TNR: variants seen among roughly 807,000 people sequenced by gnomAD.
TNR encodes the protein tenascin R.
Under a neutral mutation model 150.4 loss-of-function variants are expected in TNR, and 45 were observed. The ratio of observed to expected loss-of-function variants is 0.30; its 90% confidence interval spans 0.24 to 0.38. The LOEUF (loss-of-function observed/expected upper bound fraction) is 0.38, where lower values mean the gene tolerates loss of function less well. TNR is among the 10% of genes least tolerant of loss of function. TNR has a pLI of 1.00. For missense variants in TNR, 1,544 were observed against 1,759.1 expected (o/e 0.88, Z 2.19); for synonymous variants, 687 against 678.4 (o/e 1.01, Z -0.20).
chr1:175,630,312 A>G (rs1278753260), intron 1 of TNR, among the ~76,000 whole-genome samples: 1 of 152,244 alleles, frequency 6.6e-6, no homozygotes, highest in East Asian at 1.9e-4. Flanking sequence ...GAAGCTACAG[A>G]TAAGTAAAGT....
chr1:175,712,204 C>T (rs1398997897), intron 1 of TNR, among the ~76,000 whole-genome samples: 1 of 152,176 alleles, frequency 6.6e-6, no homozygotes. Context: ...CTCATTTTCA[C>T]AGATGAGGCA....
At chr1:175,380,405 G>A (rs572742525) in intron 8 of TNR, among the ~76,000 whole-genome samples, 1 of 152,172 alleles carries the variant, frequency 6.6e-6, no homozygotes, top group Non-Finnish European at 1.5e-5. Flanking sequence ...GCATGGATTA[G>A]GCAATCCATG....
At chr1:175,337,787 G>T in intron 18 of TNR, 108 bp from the exon 19 acceptor site, 1 of 1,304,542 alleles carries the variant, frequency 7.7e-7, no homozygotes, top group Non-Finnish European at 1.1e-6. Context: ...ATCATCAACA[G>T]CTGTAAGAAA....
chr1:175,458,144 T>C (rs1437218504), intron 2 of TNR, among the ~76,000 whole-genome samples: 1 of 152,244 alleles, frequency 6.6e-6, no homozygotes, highest in Non-Finnish European at 1.5e-5. Context: ...CTAGGTATTG[T>C]AGCAGTAGTA....
chr1:175,503,556 T>A (rs1658826163), intron 2 of TNR, among the ~76,000 whole-genome samples: 1 of 152,106 alleles, frequency 6.6e-6, no homozygotes, highest in Non-Finnish European at 1.5e-5. Flanking sequence ...CCTGTACAAA[T>A]GAGAAGCTGC....
chr1:175,335,335 C>T (rs1401498995), intron 20 of TNR: 1 of 191,512 alleles, frequency 5.2e-6, no homozygotes, highest in Non-Finnish European at 1.1e-5. Flanking sequence ...TGGCTGTCCT[C>T]ATTTCTCCCC....
intron 3 of TNR, among the ~76,000 whole-genome samples, chr1:175,406,005 C>CG (rs1163936968): frequency 6.6e-6 from 1 of 152,160 alleles, no homozygotes; most frequent in African/African-American, 2.4e-5. Flanking sequence ...CTGAATCCCT[C>CG]GGGGAAGAAC....
intron 2 of TNR, among the ~76,000 whole-genome samples, chr1:175,451,656 G>A (rs952691805): frequency 1.3e-5 from 2 of 152,298 alleles, no homozygotes; most frequent in Admixed American, 6.5e-5. Flanking sequence ...AAAGTAGTGC[G>A]GCGGCTGGCA....
chr1:175,406,749 T>G lies in TNR; in HGVS notation c.-35A>C. 6.2e-7 allele frequency: 1 copy of G among 1,603,248 alleles called. No individual in the cohort carries two copies. The highest frequency in any genetic ancestry group is 1.7e-4 in the Middle Eastern group (1 of 5,998). On this transcript the variant is annotated 5_prime_UTR_variant, in exon 3 of 23. Coordinates refer to ENST00000367674, the MANE Select transcript of TNR (RefSeq NM_003285.3). ...CAGAGATCTGGGTTCAGGACCAGCC[T>G]GCAGCACACAGCATGGAGTTGTGGG...
At chr1:175,730,339 A>G (rs925728256) in intron 1 of TNR, among the ~76,000 whole-genome samples, 3 of 151,940 alleles carry the variant, frequency 2.0e-5, no homozygotes, top group African/African-American at 7.3e-5. Context: ...AGAATGAGTC[A>G]CCCTTCCCTT....
intron 1 of TNR, among the ~76,000 whole-genome samples, chr1:175,624,722 ACTTCATTACTGTAGCC>A (rs1664090175): frequency 6.6e-6 from 1 of 152,192 alleles, no homozygotes; most frequent in Admixed American, 6.5e-5. Flanking sequence ...AGTTTATGGC[ACTTCATTACTGTAGCC>A]CTGGGAAACT....
intron 1 of TNR, among the ~76,000 whole-genome samples, chr1:175,730,513 G>A (rs1667609997): frequency 6.6e-6 from 1 of 152,230 alleles, no homozygotes; most frequent in Non-Finnish European, 1.5e-5. Flanking sequence ...ATGACTGGCA[G>A]AGAGTAGATC....
intron 1 of TNR, among the ~76,000 whole-genome samples, chr1:175,609,324 G>A (rs1000690064): frequency 1.3e-5 from 2 of 152,178 alleles, no homozygotes; most frequent in African/African-American, 4.8e-5. Flanking sequence ...ACATTAGAAT[G>A]CTTGCCTATT....
At position 175,331,562 on chromosome 1, in the gene TNR, C is replaced by T. The variant is rs551006080; in HGVS notation, c.3632-1327G>A. Reference sequence around the variant, plus strand: ...ACAGGCGTGAGCCACTGTGCCTGGCCGATATTTTCTTATATACATTTTCTT... The same window carrying T: ...ACAGGCGTGAGCCACTGTGCCTGGCTGATATTTTCTTATATACATTTTCTT... On this transcript the variant is annotated intron_variant, in intron 20 of 22. Transcript: ENST00000367674. Among the ~76,000 whole-genome samples, 33 of 152,212 alleles carry T rather than the reference C, an allele frequency of 2.2e-4. 1 individual carries two copies. The highest frequency in any genetic ancestry group is 3.8e-4 in the Non-Finnish European group (26 of 68,024).
chr1:175,359,094 T>G (rs1651462729), intron 15 of TNR, among the ~76,000 whole-genome samples: 1 of 148,386 alleles, frequency 6.7e-6, no homozygotes, highest in Non-Finnish European at 1.5e-5. Flanking sequence ...TTCAGCTTTC[T>G]CAGCTCCTAG....
At chr1:175,635,970 G>T (rs940693652) in intron 1 of TNR, among the ~76,000 whole-genome samples, 5 of 152,126 alleles carry the variant, frequency 3.3e-5, no homozygotes, top group African/African-American at 4.8e-5. Context: ...ACATGTAACT[G>T]CTCCAGAGTC....
chr1:175,425,470 G>C (rs965523923), intron 2 of TNR, among the ~76,000 whole-genome samples: 1 of 152,140 alleles, frequency 6.6e-6, no homozygotes, highest in Admixed American at 6.5e-5. Context: ...GTTTTCTGAG[G>C]TGCCATGTGG....
intron 1 of TNR, among the ~76,000 whole-genome samples, chr1:175,730,153 C>T (rs1667598451): frequency 6.6e-6 from 1 of 152,142 alleles, no homozygotes; most frequent in Non-Finnish European, 1.5e-5. Context: ...TTCTCTGTTC[C>T]AGCCACATCA....
At chr1:175,512,382 A>G (rs1659223620) in intron 2 of TNR, among the ~76,000 whole-genome samples, 2 of 152,194 alleles carry the variant, frequency 1.3e-5, no homozygotes, top group African/African-American at 2.4e-5. Flanking sequence ...TTCTTTTTTT[A>G]TTCTCTGGCT....
Sources: gnomAD v4.1 joint callset for allele counts (sites outside exome capture counted in the v4.1 genomes callset) on GRCh38, gnomAD v4.1.1 for gene constraint, MANE v1.5 for transcripts, NCBI Gene and HGNC (gene_info 2026-07-23, HGNC 2026-07-21) for gene names.